Variants in LRRC4B observed in about 807,000 individuals in gnomAD.
The protein encoded by LRRC4B is leucine rich repeat containing 4B.
A neutral mutation model predicts 7.3 loss-of-function variants in LRRC4B; 1 was observed. The ratio of observed to expected loss-of-function variants is 0.14; its 90% CI spans 0.05 to 0.65. The LOEUF (loss-of-function observed/expected upper bound fraction) is 0.65. Ranked by LOEUF, LRRC4B falls within the 30% of genes least tolerant of loss-of-function variation. The pLI, the probability that LRRC4B is intolerant of heterozygous loss-of-function variation, is 0.84. For missense variants in LRRC4B, 730 were observed against 1,041.6 expected (o/e 0.70, Z 4.12); for synonymous variants, 500 against 499.2 (o/e 1.00, Z -0.02).
chr19:50,518,342 G>C lies in LRRC4B; in HGVS notation c.1371C>G (p.Asp457Glu). ...TGCCGGTGCCCCCGGCCGCCACGGG[G>C]TCCACGGCCGAGACGTTGAGCGTGG... The part of the protein sequence containing the change: ...ASATLNVSAV[D>E]PVAAGGTGSG... Residue 457 changes from aspartate to glutamate, a missense_variant, in exon 3 of 3, where the codon GAC becomes GAG. By Grantham distance (45) the Asp-to-Glu change is conservative. Transcript: ENST00000652263. 4 of 1,606,088 alleles carry C rather than the reference G, an allele frequency of 2.5e-6. No individual in the cohort carries two copies. The highest frequency in any genetic ancestry group is 3.4e-6 in the Non-Finnish European group (4 of 1,177,266).
At chr19:50,541,055 G>A (rs1981521246) in intron 2 of LRRC4B, among the ~76,000 whole-genome samples, 3 of 151,774 alleles carry the variant, frequency 2.0e-5, no homozygotes, top group South Asian at 2.1e-4. Flanking sequence ...GTGCTGGTGG[G>A]TGCCTGTAGT....
intron 1 of LRRC4B, among the ~76,000 whole-genome samples, chr19:50,554,882 G>A (rs905613073): frequency 1.3e-5 from 2 of 152,154 alleles, no homozygotes; most frequent in Non-Finnish European, 2.9e-5. Flanking sequence ...AGAGTCCAGG[G>A]GCCCCAAAGA....
chr19:50,526,273 T>G (rs1980804014), intron 2 of LRRC4B, among the ~76,000 whole-genome samples: 1 of 152,060 alleles, frequency 6.6e-6, no homozygotes. Flanking sequence ...TTCTGGCAAG[T>G]CCCTGAGCCC....
rs541780371 is a variant in LRRC4B, at chr19:50,564,713, G to C, written c.-36+3231C>G. On this transcript the variant is annotated intron_variant, in intron 1 of 2. Coordinates refer to ENST00000652263, the MANE Select transcript of LRRC4B (RefSeq NM_001080457.2). ...AGACAGATGCCCGGCCAGAGAGAGT[G>C]GGGTGAGAAGGGATGAAATGCAGGG... is the stretch of plus-strand genomic sequence containing the variant. Among the ~76,000 whole-genome samples, 4 of 152,130 alleles carry C rather than the reference G, an allele frequency of 2.6e-5. No individual in the cohort carries two copies. In the South Asian group the frequency reaches 8.3e-4, roughly 32 times the overall value.
At position 50,568,294 on chromosome 19, in the gene LRRC4B, TCCTC is replaced by T. The variant is rs907760362; in HGVS notation, c.-390_-387del. Among the ~76,000 whole-genome samples the T allele has an allele frequency of 1.4e-5, 2 of 145,470 alleles. No individual in the cohort carries two copies. The highest frequency in any genetic ancestry group is 2.6e-5 in the African/African-American group (1 of 39,032). ...TTCCTTCCAGCCTTCCTTCCTTCCT[TCCTC>T]CCTCCTCGGGCCCGCCGGCGCCGCT... On this transcript the variant is annotated 5_prime_UTR_variant, in exon 1 of 3. Coordinates refer to ENST00000652263, the MANE Select transcript of LRRC4B (RefSeq NM_001080457.2).
At chr19:50,530,683 G>A (rs532100932) in intron 2 of LRRC4B, among the ~76,000 whole-genome samples, 281 of 152,210 alleles carry the variant, frequency 1.8e-3, no homozygotes, top group Non-Finnish European at 3.0e-3. Context: ...ACCTGGAGGC[G>A]TGTGCTGGGC....
rs1325819633 is a variant in LRRC4B at position 50,537,124 on chromosome 19, G to A, written c.297+11418C>T. On this transcript the variant is annotated intron_variant, in intron 2 of 2. Coordinates refer to ENST00000652263, the MANE Select transcript of LRRC4B (RefSeq NM_001080457.2). This position sits in a 1 kb window ranked among gnomAD's most constrained non-coding sequence, Gnocchi z 5.5. Reference sequence around the variant, plus strand: ...GGCAGTTCTGAGACTGAGTCACCAGGGTGCAGCGCCAGGGATAGCTACGAA... The same window carrying A: ...GGCAGTTCTGAGACTGAGTCACCAGAGTGCAGCGCCAGGGATAGCTACGAA... Among the ~76,000 whole-genome samples the A allele has an allele frequency of 6.6e-6, 1 of 152,128 alleles. No homozygotes were observed. Among genetic ancestry groups the A allele is most frequent in the Non-Finnish European group, 1.5e-5 (1 of 68,014 alleles).
At chr19:50,526,936 C>T (rs1980835915) in intron 2 of LRRC4B, among the ~76,000 whole-genome samples, 2 of 151,462 alleles carry the variant, frequency 1.3e-5, no homozygotes, top group South Asian at 2.1e-4. Context: ...TTACTACAAC[C>T]TCTGGCTCCC....
intron 1 of LRRC4B, among the ~76,000 whole-genome samples, chr19:50,562,747 T>TG (rs1488875320): frequency 1.2e-3 from 174 of 150,908 alleles, no homozygotes; most frequent in African/African-American, 3.9e-3. Flanking sequence ...TTTTTGTTTT[T>TG]TTTTTTTTGG....
At chr19:50,523,287 C>T (rs1980660256) in intron 2 of LRRC4B, among the ~76,000 whole-genome samples, 2 of 151,050 alleles carry the variant, frequency 1.3e-5, no homozygotes, top group Non-Finnish European at 2.9e-5. Context: ...TGCGGTGTTA[C>T]AGTATTAACG....
chr19:50,531,901 A>G (rs996867001), intron 2 of LRRC4B, among the ~76,000 whole-genome samples: 1 of 152,168 alleles, frequency 6.6e-6, no homozygotes, highest in Non-Finnish European at 1.5e-5. Flanking sequence ...ATATTTTTTC[A>G]TTGTTAATTC....
chr19:50,544,097 C>T (rs931922280), intron 2 of LRRC4B, among the ~76,000 whole-genome samples: 1 of 151,972 alleles, frequency 6.6e-6, no homozygotes, highest in Non-Finnish European at 1.5e-5. Flanking sequence ...ATCCCAGCTA[C>T]TTGGGAGGCT....
chr19:50,544,497 A>G (rs1981712284), intron 2 of LRRC4B, among the ~76,000 whole-genome samples: 1 of 147,886 alleles, frequency 6.8e-6, no homozygotes, highest in South Asian at 2.2e-4. Flanking sequence ...ACAGAGCGAG[A>G]CTCCGTCTCA....
chr19:50,528,014 T>G (rs1423110464), intron 2 of LRRC4B, among the ~76,000 whole-genome samples: 1 of 152,092 alleles, frequency 6.6e-6, no homozygotes, highest in Non-Finnish European at 1.5e-5. Flanking sequence ...GTGCTGGGAT[T>G]ACAGGCGTGA....
intron 2 of LRRC4B, among the ~76,000 whole-genome samples, chr19:50,535,089 C>T (rs548056958): frequency 2.0e-5 from 3 of 152,144 alleles, no homozygotes; most frequent in South Asian, 4.2e-4. Context: ...AGGATGGTCT[C>T]GATCTCCTGA....
At chr19:50,565,626 T>C (rs1358578138) in intron 1 of LRRC4B, among the ~76,000 whole-genome samples, 2 of 151,878 alleles carry the variant, frequency 1.3e-5, no homozygotes, top group African/African-American at 4.8e-5. Context: ...CCACTCTCTG[T>C]CGCTGACTTG....
chr19:50,518,681 G>A lies in LRRC4B; in HGVS notation c.1032C>T (p.Ala344=), dbSNP rs764400653. 1.2e-6 allele frequency: 2 copies of A among 1,613,732 alleles called. No individual in the cohort carries two copies. The highest frequency in any genetic ancestry group is 1.7e-6 in the Non-Finnish European group (2 of 1,179,868). The part of the protein sequence containing the change: ...TTCCARCHAP[A]GLKGRYIGEL... ...CCCCAATGTAGCGCCCCTTGAGGCC[G>A]GCGGGCGCATGACAGCGGGCGCAGC... The change falls in exon 3 of 3, where the codon GCC becomes GCT. Residue 344 remains alanine, a synonymous_variant. Transcript: ENST00000652263.
In LRRC4B at chr19:50,523,924, A is replaced by T. The variant is rs149582231; in HGVS notation, c.298-4509T>A. ...CAGTGAGCCAAGATCGCCCAGTTGC[A>T]CTCCAGCCTGGGTGACAGAGTGAGA... On this transcript the variant is annotated intron_variant, in intron 2 of 2. Coordinates refer to ENST00000652263, the MANE Select transcript of LRRC4B (RefSeq NM_001080457.2). 9.3e-3 allele frequency among the ~76,000 whole-genome samples: 1,407 copies of T among 151,292 alleles called. 30 individuals carry two copies. Among genetic ancestry groups the T allele is most frequent in the African/African-American group, 0.033 (1,345 of 41,198 alleles).
At position 50,518,607 on chromosome 19, in the gene LRRC4B, G is replaced by A; in HGVS notation, c.1106C>T (p.Pro369Leu). ...FTCYAPVIVE[P>L]PTDLNVTEGM... ...CTCGGTGACGTTGAGGTCCGTGGGC[G>A]GCTCCACGATGACGGGCGCATAGCA... Residue 369 changes from proline (P) to leucine (L), a missense_variant, in exon 3 of 3, where the codon CCG becomes CTG. This residue lies in a region of LRRC4B where 226 missense variants were observed against 448.0 expected (regional missense o/e 0.50). Coordinates refer to ENST00000652263, the MANE Select transcript of LRRC4B (RefSeq NM_001080457.2). 5 of 1,601,102 alleles carry A rather than the reference G, an allele frequency of 3.1e-6. No individual in the cohort carries two copies. The highest frequency in any genetic ancestry group is 4.3e-6 in the Non-Finnish European group (5 of 1,171,542).
Sources: allele counts gnomAD v4.1 joint callset (sites outside exome capture counted in the v4.1 genomes callset), GRCh38; gene constraint gnomAD v4.1.1; regional missense constraint gnomAD v4.1.1; non-coding constraint Gnocchi (gnomAD v3.1); transcripts MANE v1.5; gene names NCBI Gene and HGNC (gene_info 2026-07-23, HGNC 2026-07-21).